Variants in LHFPL6 observed in about 807,000 individuals in gnomAD.
The protein encoded by LHFPL6 is LHFPL tetraspan subfamily member 6.
Under a neutral mutation model 20.6 loss-of-function variants are expected in LHFPL6, and 9 were observed. The ratio of observed to expected loss-of-function variants is 0.44; its 90% confidence interval spans 0.26 to 0.76. The LOEUF (loss-of-function observed/expected upper bound fraction) is 0.76. Among genes scored for constraint, LHFPL6 ranks in the 30% least tolerant of loss-of-function variants. The pLI, the probability that LHFPL6 is intolerant of heterozygous loss-of-function variation, is 0.20. For missense variants in LHFPL6, 218 were observed against 253.5 expected, an observed-to-expected ratio of 0.86 and a Z score of 0.95; for synonymous variants, 105 against 98.7, an observed-to-expected ratio of 1.06 and a Z score of -0.38.
intron 3 of LHFPL6, among the ~76,000 whole-genome samples, chr13:39,363,248 C>T (rs1000411255): frequency 5.3e-5 from 8 of 152,144 alleles, no homozygotes; most frequent in African/African-American, 1.4e-4. Context: ...CTGAACAGGA[C>T]AGAGCCTCTT....
intron 2 of LHFPL6, among the ~76,000 whole-genome samples, chr13:39,487,578 T>C (rs1283335033): frequency 6.6e-6 from 1 of 152,270 alleles, no homozygotes; most frequent in Non-Finnish European, 1.5e-5. Context: ...TTTTATGCTC[T>C]AAAAGCATTT....
At chr13:39,440,589 C>G (rs941024142) in intron 2 of LHFPL6, among the ~76,000 whole-genome samples, 2 of 152,036 alleles carry the variant, frequency 1.3e-5, no homozygotes, top group Non-Finnish European at 2.9e-5. Context: ...TGATATGTGC[C>G]TTGTTTTTGT....
intron 2 of LHFPL6, among the ~76,000 whole-genome samples, chr13:39,424,068 A>G (rs778487621): frequency 1.1e-4 from 17 of 152,236 alleles, no homozygotes; most frequent in Non-Finnish European, 2.5e-4. Flanking sequence ...TGTATTATTT[A>G]TATTATATAT....
At chr13:39,412,394 T>G (rs974372371) in intron 2 of LHFPL6, among the ~76,000 whole-genome samples, 1 of 152,214 alleles carries the variant, frequency 6.6e-6, no homozygotes, top group Non-Finnish European at 1.5e-5. Flanking sequence ...TACTTCTAAG[T>G]CTTTCTAATT....
At chr13:39,568,354 T>C (rs1871796301) in intron 2 of LHFPL6, among the ~76,000 whole-genome samples, 1 of 151,796 alleles carries the variant, frequency 6.6e-6, no homozygotes, top group African/African-American at 2.4e-5. Context: ...GAATATTGGG[T>C]GAGCTTGCAT....
chr13:39,419,684 G>A (rs1316407945), intron 2 of LHFPL6, among the ~76,000 whole-genome samples: 14 of 151,982 alleles, frequency 9.2e-5, no homozygotes, highest in African/African-American at 3.1e-4. Flanking sequence ...GACAGATGAA[G>A]AAATTTTTTT....
chr13:39,552,615 T>C (rs1871172369), intron 2 of LHFPL6, among the ~76,000 whole-genome samples: 1 of 152,216 alleles, frequency 6.6e-6, no homozygotes, highest in Admixed American at 6.5e-5. Context: ...TTTCTTGGAA[T>C]GATATTCAAA....
chr13:39,586,839 G>C (rs1288637124), intron 2 of LHFPL6, among the ~76,000 whole-genome samples: 1 of 152,118 alleles, frequency 6.6e-6, no homozygotes, highest in Non-Finnish European at 1.5e-5. Flanking sequence ...CCACTGAAAA[G>C]CTTCAATTTA....
At chr13:39,586,833 T>C (rs374313295) in intron 2 of LHFPL6, among the ~76,000 whole-genome samples, 63 of 152,298 alleles carry the variant, frequency 4.1e-4, no homozygotes, top group African/African-American at 1.4e-3. Flanking sequence ...CCATAGCCAC[T>C]GAAAAGCTTC....
chr13:39,479,034 T>TAGAGATAGATAG lies in LHFPL6; in HGVS notation c.386-100509_386-100508insCTATCTATCTCT, dbSNP rs1555264216. On this transcript the variant is annotated intron_variant, in intron 2 of 3. Transcript: ENST00000379589. ...TAATGAAGCACCAATGGGAGATAGA[T>TAGAGATAGATAG]ATAGATAGATAGATAGATAGATAGA... 2.0e-3 allele frequency among the ~76,000 whole-genome samples: 295 copies of TAGAGATAGATAG among 144,056 alleles called. 1 individual carries two copies. Among genetic ancestry groups the TAGAGATAGATAG allele is most frequent in the South Asian group, 5.2e-3 (23 of 4,448 alleles). The allele number at this position is 144,056 out of a possible 152,430, so 94.5% of individuals were successfully genotyped here.
chr13:39,403,413 A>G (rs889008374), intron 2 of LHFPL6, among the ~76,000 whole-genome samples: 2 of 151,946 alleles, frequency 1.3e-5, no homozygotes, highest in Non-Finnish European at 2.9e-5. Flanking sequence ...GATGGCCATT[A>G]CTCTTCTGTT....
At chr13:39,468,476 T>A (rs1872859028) in intron 2 of LHFPL6, among the ~76,000 whole-genome samples, 1 of 147,902 alleles carries the variant, frequency 6.8e-6, no homozygotes, top group Admixed American at 6.9e-5. Context: ...ATTGAGCAGT[T>A]CCTGAAAAAA....
Position 39,444,475 on chromosome 13 carries a change from G to A in LHFPL6, c.386-65949C>T, listed in dbSNP as rs367695589. On this transcript the variant is annotated intron_variant, in intron 2 of 3. Transcript: ENST00000379589. ...TTGAAGGCATTTCAGAGATCTCCAA[G>A]GCAAGCTAGAACTTCAAGGGCAAGG... Among the ~76,000 whole-genome samples the A allele has an allele frequency of 1.2e-3, 187 of 152,266 alleles. 6 individuals carry two copies. The South Asian group carries it at 0.037, about 31-fold the overall frequency.
At chr13:39,388,687 T>TAC (rs1228201380) in intron 2 of LHFPL6, among the ~76,000 whole-genome samples, 2 of 152,216 alleles carry the variant, frequency 1.3e-5, no homozygotes, top group African/African-American at 4.8e-5. Flanking sequence ...AGACCATCAT[T>TAC]ACATTAGGAT....
At chr13:39,516,334 C>T (rs1262781816) in intron 2 of LHFPL6, among the ~76,000 whole-genome samples, 1 of 152,258 alleles carries the variant, frequency 6.6e-6, no homozygotes, top group Non-Finnish European at 1.5e-5. Flanking sequence ...AAATACCAGT[C>T]TATGACTTAT....
chr13:39,394,179 A>G (rs539732145), intron 2 of LHFPL6, among the ~76,000 whole-genome samples: 5 of 152,234 alleles, frequency 3.3e-5, no homozygotes, highest in Admixed American at 2.0e-4. Flanking sequence ...GCCTCAAGCA[A>G]TCCTCCTGCC....
chr13:39,540,001 A>T (rs2138502834), intron 2 of LHFPL6, among the ~76,000 whole-genome samples: 1 of 152,334 alleles, frequency 6.6e-6, no homozygotes, highest in African/African-American at 2.4e-5. Context: ...TGATAAGTAA[A>T]AACTGAGAGA....
intron 2 of LHFPL6, among the ~76,000 whole-genome samples, chr13:39,577,004 A>G (rs1872137150): frequency 6.6e-6 from 1 of 152,132 alleles, no homozygotes; most frequent in African/African-American, 2.4e-5. Context: ...CATTCACCCA[A>G]TGTCCTAATC....
chr13:39,546,717 A>C (rs1389964276), intron 2 of LHFPL6, among the ~76,000 whole-genome samples: 3 of 152,000 alleles, frequency 2.0e-5, no homozygotes, highest in Non-Finnish European at 2.9e-5. Context: ...CCAATCAACC[A>C]CCAAGTATTG....
Sources: gnomAD v4.1 joint callset for allele counts (sites outside exome capture counted in the v4.1 genomes callset) on GRCh38, gnomAD v4.1.1 for gene constraint, MANE v1.5 for transcripts, NCBI Gene and HGNC (gene_info 2026-07-23, HGNC 2026-07-21) for gene names.